PTPDC1: variants seen among roughly 807,000 people sequenced by gnomAD.
The protein encoded by PTPDC1 is protein tyrosine phosphatase domain-containing protein 1.
PTPDC1 carries 53 observed loss-of-function variants against 75.3 expected under a neutral mutation model. The observed-to-expected ratio is 0.70, with a 90% CI of 0.56 to 0.88. The LOEUF (loss-of-function observed/expected upper bound fraction) is 0.88. Among genes scored for constraint, PTPDC1 ranks in the 40% least tolerant of loss-of-function variants. The probability of loss-of-function intolerance (pLI) is 0.00; values close to 1 mark genes in which losing one functional copy is unlikely to be tolerated. For synonymous variants in PTPDC1, 349 were observed against 366.2 expected, an observed-to-expected ratio of 0.95 and a Z score of 0.54; for missense variants, 925 against 998.6, an observed-to-expected ratio of 0.93 and a Z score of 0.99.
Position 94,097,927 on chromosome 9 carries a change from G to A in PTPDC1, c.1361G>A (p.Arg454Lys). 6.2e-7 allele frequency: 1 copy of A among 1,614,154 alleles called. No homozygotes were observed. Among genetic ancestry groups the A allele is most frequent in the Non-Finnish European group, 8.5e-7 (1 of 1,180,036 alleles). Reference sequence around the variant, plus strand: ...AGCTACAGTGACTCAGATTTAAAGAGGGCCGAGAACCTCCTGGAGCAAGGG... The same window carrying A: ...AGCTACAGTGACTCAGATTTAAAGAAGGCCGAGAACCTCCTGGAGCAAGGG... ...RLSYSDSDLK[R>K]AENLLEQGET... The change falls in exon 6 of 9, where the codon AGG (arginine) becomes AAG (lysine). Residue 454 changes from arginine (R) to lysine (K), a missense_variant. By Grantham distance (26) the Arg-to-Lys change is conservative (BLOSUM62 2). Coordinates refer to ENST00000620992, the MANE Select transcript of PTPDC1 (RefSeq NM_001253829.2).
intron 5 of PTPDC1, among the ~76,000 whole-genome samples, 182 bp downstream of exon 5, chr9:94,095,636 A>T (rs1395220451): frequency 1.3e-5 from 2 of 152,204 alleles, no homozygotes; most frequent in Non-Finnish European, 2.9e-5. Flanking sequence ...AATGATATAT[A>T]GTTTCAAATA....
chr9:94,051,019 G>A (rs1261291297), intron 1 of PTPDC1, among the ~76,000 whole-genome samples: 3 of 152,196 alleles, frequency 2.0e-5, no homozygotes, highest in East Asian at 1.9e-4. Flanking sequence ...AGCCAGGTGC[G>A]GGATATAATC....
intron 1 of PTPDC1, among the ~76,000 whole-genome samples, chr9:94,047,512 A>G (rs1316527176): frequency 1.3e-5 from 2 of 152,192 alleles, no homozygotes; most frequent in African/African-American, 2.4e-5. Context: ...AAAGAACTGG[A>G]AAAGCAAGAG....
At chr9:94,045,989 A>G (rs1825587477) in intron 1 of PTPDC1, among the ~76,000 whole-genome samples, 1 of 152,216 alleles carries the variant, frequency 6.6e-6, no homozygotes, top group Non-Finnish European at 1.5e-5. Flanking sequence ...TCTAACATTT[A>G]AGTCTTTAAT....
At chr9:94,080,570 C>T (rs964134769), upstream of PTPDC1, among the ~76,000 whole-genome samples, 2 of 152,120 alleles carry the variant, frequency 1.3e-5, no homozygotes, top group African/African-American at 4.8e-5. Flanking sequence ...TTTCTAGATA[C>T]CGTTCTTTAC....
chr9:94,046,720 G>C (rs1334782231), intron 1 of PTPDC1, among the ~76,000 whole-genome samples: 1 of 152,176 alleles, frequency 6.6e-6, no homozygotes, highest in African/African-American at 2.4e-5. Context: ...TGCTGAAGTT[G>C]CCTGTCAGCT....
chr9:94,043,776 T>G (rs1360012052), intron 1 of PTPDC1, among the ~76,000 whole-genome samples: 1 of 152,142 alleles, frequency 6.6e-6, no homozygotes, highest in Non-Finnish European at 1.5e-5. Flanking sequence ...CTCCTATATT[T>G]TTTTCTAGAA....
chr9:94,094,366 G>GGGGC (rs386415509), intron 4 of PTPDC1, among the ~76,000 whole-genome samples: 1 of 23,010 alleles, frequency 4.3e-5, no homozygotes, highest in Non-Finnish European at 6.1e-5. Flanking sequence ...TGCCCCTGCT[G>GGGGC]GTGCCTCCCA....
At chr9:94,061,761 CAGGGCAGCAGGGCCCTGGGCAT>C (rs1457429751) in intron 1 of PTPDC1, among the ~76,000 whole-genome samples, 2 of 152,232 alleles carry the variant, frequency 1.3e-5, no homozygotes, top group African/African-American at 4.8e-5. Context: ...TGGGGCTGCA[CAGGGCAGCAGGGCCCTGGGCAT>C]AGCCCACAGA....
Position 94,108,196 on chromosome 9 carries a change from A to G in PTPDC1, c.*252A>G. 1 of 243,630 alleles carries G rather than the reference A, an allele frequency of 4.1e-6. No individual in the cohort carries two copies. Among genetic ancestry groups the G allele is most frequent in the Non-Finnish European group, 7.7e-6 (1 of 129,138 alleles). The allele number at this position is 243,630 out of a possible 1,614,324, so 15.1% of individuals were successfully genotyped here. ...CTTTTATTTATTTGACTGAGTTAATATTATTGTATTAACATTTTAAGTATA... is the reference window on the plus strand; with the variant it reads ...CTTTTATTTATTTGACTGAGTTAATGTTATTGTATTAACATTTTAAGTATA... On this transcript the variant is annotated 3_prime_UTR_variant, in exon 9 of 9. Transcript: ENST00000620992.
At position 94,108,668 on chromosome 9, in the gene PTPDC1, A is replaced by G. The variant is rs1222603937; in HGVS notation, c.*724A>G. On this transcript the variant is annotated 3_prime_UTR_variant, in exon 9 of 9. Transcript: ENST00000620992. ...GCCTTGGCTGTCAAAAGGAGGCAGG[A>G]GCAGTTCTCAACACACCAAGCCTTA... is the stretch of plus-strand genomic sequence containing the variant. 3.3e-5 allele frequency: 5 copies of G among 152,246 alleles called. No homozygotes were observed. Among genetic ancestry groups the G allele is most frequent in the Admixed American group, 1.3e-4 (2 of 15,284 alleles). The allele number at this position is 152,246 out of a possible 1,614,324, so 9.4% of individuals were successfully genotyped here. A position where few individuals can be genotyped will look rare whatever the true frequency, so the allele number is the denominator to read the frequency against.
intron 2 of PTPDC1, among the ~76,000 whole-genome samples, chr9:94,076,264 A>G (rs1262890603): frequency 6.6e-6 from 1 of 152,156 alleles, no homozygotes; most frequent in African/African-American, 2.4e-5. Context: ...TCAGCCTCCC[A>G]AAGTGCTGGG....
chr9:94,088,031 A>G, intron 3 of PTPDC1, 114 bp from the exon 4 acceptor site: 1 of 1,465,786 alleles, frequency 6.8e-7, no homozygotes, highest in Non-Finnish European at 9.4e-7. Flanking sequence ...AGTGTATTTC[A>G]AATGAGAAAT....
At chr9:94,095,643 A>G (rs950410054) in intron 5 of PTPDC1, among the ~76,000 whole-genome samples, 189 bp downstream of exon 5, 1 of 152,214 alleles carries the variant, frequency 6.6e-6, no homozygotes, top group African/African-American at 2.4e-5. Context: ...TATAGTTTCA[A>G]ATAGCTAGAA....
intron 1 of PTPDC1, 22 bp downstream of exon 1, chr9:94,084,796 G>T: frequency 6.8e-7 from 1 of 1,481,166 alleles, no homozygotes; most frequent in Non-Finnish European, 9.1e-7. Flanking sequence ...CTTATAGATT[G>T]CCATACCTAT....
intron 8 of PTPDC1, among the ~76,000 whole-genome samples, chr9:94,106,613 A>G (rs1828031666): frequency 1.3e-5 from 2 of 152,210 alleles, no homozygotes; most frequent in African/African-American, 4.8e-5. Flanking sequence ...ATCTTCTACC[A>G]GTATCCATAA....
chr9:94,104,863 C>T (rs1231722317), intron 8 of PTPDC1, among the ~76,000 whole-genome samples: 1 of 152,162 alleles, frequency 6.6e-6, no homozygotes, highest in Non-Finnish European at 1.5e-5. Flanking sequence ...AAAAGCCCAT[C>T]CTTTTGGATG....
chr9:94,083,147 A>G (rs2117961483), upstream of PTPDC1, among the ~76,000 whole-genome samples: 1 of 152,302 alleles, frequency 6.6e-6, no homozygotes, highest in South Asian at 2.1e-4. Flanking sequence ...TAGTTTGAGC[A>G]TTTAGGGCCT....
At chr9:94,045,611 T>C (rs1270374290) in intron 1 of PTPDC1, among the ~76,000 whole-genome samples, 2 of 152,252 alleles carry the variant, frequency 1.3e-5, no homozygotes, top group Non-Finnish European at 2.9e-5. Flanking sequence ...TGAGCATTTT[T>C]TCATGTGTCT....
Sources: gnomAD v4.1 joint callset for allele counts (sites outside exome capture counted in the v4.1 genomes callset) on GRCh38, gnomAD v4.1.1 for gene constraint, MANE v1.5 for transcripts, NCBI Gene and HGNC (gene_info 2026-07-23, HGNC 2026-07-21) for gene names.